ZC3H8: variants seen among roughly 807,000 people sequenced by gnomAD.
ZC3H8 encodes the protein zinc finger CCCH-type containing 8, also known as zinc finger CCCH domain-containing protein 8.
In ZC3H8, 27 loss-of-function variants were observed where a neutral mutation model predicts 42.5. That is an observed-to-expected ratio of 0.64 (90% CI 0.47 to 0.88). The LOEUF is 0.88. Among genes scored for constraint, ZC3H8 ranks in the 40% least tolerant of loss-of-function variants. The pLI is 0.00. For synonymous variants in ZC3H8, 101 were observed against 110.1 expected, an observed-to-expected ratio of 0.92 and a Z score of 0.52; for missense variants, 277 against 336.1, an observed-to-expected ratio of 0.82 and a Z score of 1.37.
At chr2:112,254,241 G>T in intron 1 of ZC3H8, 1 of 789,116 alleles carries the variant, frequency 1.3e-6, no homozygotes, top group Non-Finnish European at 1.5e-6. Context: ...CAAAGATGGT[G>T]GTTTTTAGCA....
At chr2:112,254,821 C>T in intron 1 of ZC3H8, 87 bp downstream of exon 1, 2 of 1,464,456 alleles carry the variant, frequency 1.4e-6, no homozygotes, top group Non-Finnish European at 1.8e-6. Flanking sequence ...CCGGACGTGG[C>T]CCCGGACTGC....
intron 2 of ZC3H8, among the ~76,000 whole-genome samples, chr2:112,244,252 T>C (rs758019768): frequency 6.6e-6 from 1 of 152,134 alleles, no homozygotes. Context: ...TAGAAGACAA[T>C]GGAGCAGTAA....
At chr2:112,231,043 C>A in intron 7 of ZC3H8, 93 bp from the exon 8 acceptor site, 3 of 805,460 alleles carry the variant, frequency 3.7e-6, no homozygotes, top group South Asian at 5.3e-5. Flanking sequence ...TGATTCCAAT[C>A]AAATTCATCC....
chr2:112,219,794 A>C (rs1284317335), intron 8 of ZC3H8, among the ~76,000 whole-genome samples: 1 of 152,134 alleles, frequency 6.6e-6, no homozygotes, highest in African/African-American at 2.4e-5. Flanking sequence ...CATTTGGTCA[A>C]GTATAGAGTT....
intron 1 of ZC3H8, among the ~76,000 whole-genome samples, chr2:112,253,538 A>T (rs1385603747): frequency 6.6e-6 from 1 of 152,242 alleles, no homozygotes; most frequent in Admixed American, 6.5e-5. Context: ...TTGGGAGTAA[A>T]GTATTCGCAG....
rs956078534 is a variant in ZC3H8, at chr2:112,214,469, T to C, written c.*2015A>G. 1 of 152,152 alleles carries C rather than the reference T, an allele frequency of 6.6e-6. No individual in the cohort carries two copies. The highest frequency in any genetic ancestry group is 2.4e-5 in the African/African-American group (1 of 41,426). The allele number at this position is 152,152 out of a possible 1,614,324, so 9.4% of individuals were successfully genotyped here. A position where few individuals can be genotyped will look rare whatever the true frequency, so the allele number is the denominator to read the frequency against. ...CTCCTGGTTTGAATTTTTTAGACTATGGTTTTATTATATATATATTATATA... is the reference window on the plus strand; with the variant it reads ...CTCCTGGTTTGAATTTTTTAGACTACGGTTTTATTATATATATATTATATA... On this transcript the variant is annotated 3_prime_UTR_variant, in exon 9 of 9. Coordinates refer to ENST00000409573, the MANE Select transcript of ZC3H8 (RefSeq NM_032494.3).
rs763977247 is a variant in ZC3H8, at chr2:112,238,281, T to C, written c.370+34A>G. The C allele has an allele frequency of 1.8e-5, 29 of 1,597,938 alleles. No homozygotes were observed. In the East Asian group the frequency reaches 6.5e-4, roughly 36 times the overall value. On this transcript the variant is annotated intron_variant, in intron 3 of 8. Transcript: ENST00000409573. ...GGACAACTGTGACTGCTTCTCTAGA[T>C]AAACTTTAAATGATAAAATAGTTTG...
intron 2 of ZC3H8, 159 bp downstream of exon 2, chr2:112,250,032 G>A (rs1685893507): frequency 2.1e-6 from 1 of 470,298 alleles, no homozygotes; most frequent in Non-Finnish European, 3.7e-6. Context: ...TTTGATATAA[G>A]TAACTGGGTC....
intron 2 of ZC3H8, among the ~76,000 whole-genome samples, chr2:112,243,287 AACC>A (rs1284853287): frequency 1.3e-5 from 2 of 152,232 alleles, no homozygotes; most frequent in Admixed American, 1.3e-4. Flanking sequence ...GCTTCCGCCT[AACC>A]TTTGATTGGC....
intron 2 of ZC3H8, chr2:112,240,343 G>A (rs1305152244): frequency 2.0e-5 from 3 of 152,168 alleles, no homozygotes; most frequent in Non-Finnish European, 4.4e-5. Context: ...AAGGTTGGCC[G>A]ACTCCTGTGA....
chr2:112,217,924 G>GTT (rs966048316), intron 8 of ZC3H8, among the ~76,000 whole-genome samples: 3 of 145,212 alleles, frequency 2.1e-5, no homozygotes, highest in Admixed American at 2.0e-4. Flanking sequence ...GGTTTCTTGT[G>GTT]TTTTTGTTTT....
intron 1 of ZC3H8, among the ~76,000 whole-genome samples, chr2:112,253,446 T>C (rs2104673581): frequency 6.6e-6 from 1 of 152,370 alleles, no homozygotes. Context: ...GACTGATTCA[T>C]CTGACTGCAT....
intron 3 of ZC3H8, among the ~76,000 whole-genome samples, chr2:112,237,777 G>T (rs547612024): frequency 1.3e-5 from 2 of 152,034 alleles, no homozygotes; most frequent in East Asian, 3.9e-4. Flanking sequence ...ATGTTGGCCA[G>T]GCTGGTCTCG....
intron 1 of ZC3H8, among the ~76,000 whole-genome samples, chr2:112,252,784 C>T (rs942422766): frequency 2.0e-5 from 3 of 152,136 alleles, no homozygotes; most frequent in Admixed American, 1.3e-4. Context: ...CTTCAGGTCC[C>T]TACACAGATT....
intron 4 of ZC3H8, among the ~76,000 whole-genome samples, chr2:112,236,333 A>G (rs1033734300): frequency 3.9e-5 from 6 of 152,228 alleles, no homozygotes; most frequent in African/African-American, 1.4e-4. Context: ...TGAGAACGCT[A>G]AGGCTTAAAA....
chr2:112,254,343 A>C (rs1686053307), intron 1 of ZC3H8, among the ~76,000 whole-genome samples: 1 of 152,270 alleles, frequency 6.6e-6, no homozygotes, highest in African/African-American at 2.4e-5. Flanking sequence ...CCTAATGGAA[A>C]TATTAAGTCC....
rs188937662 is a variant in ZC3H8, at chr2:112,211,604, A to C, written c.*4880T>G. Reference sequence around the variant, plus strand: ...ATTTAATAGAATCTAAATGCCACTGAATCAATAAGATTCACCATTTCTTAT... The same window carrying C: ...ATTTAATAGAATCTAAATGCCACTGCATCAATAAGATTCACCATTTCTTAT... On this transcript the variant is annotated 3_prime_UTR_variant, in exon 9 of 9. Coordinates refer to ENST00000409573, the MANE Select transcript of ZC3H8 (RefSeq NM_032494.3). 2.1e-4 allele frequency: 32 copies of C among 152,382 alleles called. No homozygotes were observed. The East Asian group carries it at 6.2e-3, about 29-fold the overall frequency. 9.4% of individuals were successfully genotyped at this position (152,382 alleles called of 1,614,324 possible).
intron 2 of ZC3H8, among the ~76,000 whole-genome samples, chr2:112,242,847 T>A (rs1196887923): frequency 3.3e-5 from 5 of 152,234 alleles, no homozygotes; most frequent in Non-Finnish European, 7.3e-5. Flanking sequence ...CATCCACAGA[T>A]CTTTCCAAAA....
chr2:112,214,149 T>C lies in ZC3H8; in HGVS notation c.*2335A>G, dbSNP rs1012241020. On this transcript the variant is annotated 3_prime_UTR_variant, in exon 9 of 9. Coordinates refer to ENST00000409573, the MANE Select transcript of ZC3H8 (RefSeq NM_032494.3). ...TTTTAGTAGAGATGGGGTTTCACCA[T>C]GTTAGCCAGGATGGTCTCGATCTCC... The C allele has an allele frequency of 2.0e-5, 3 of 152,044 alleles. No individual in the cohort carries two copies. Among genetic ancestry groups the C allele is most frequent in the Admixed American group, 6.6e-5 (1 of 15,258 alleles). The allele number at this position is 152,044 out of a possible 1,614,324, so 9.4% of individuals were successfully genotyped here. A position where few individuals can be genotyped will look rare whatever the true frequency, so the allele number is the denominator to read the frequency against.
Sources: allele counts gnomAD v4.1 joint callset (sites outside exome capture counted in the v4.1 genomes callset), GRCh38; gene constraint gnomAD v4.1.1; transcripts MANE v1.5; gene names NCBI Gene and HGNC (gene_info 2026-07-23, HGNC 2026-07-21).